KLRG1: variants seen among roughly 807,000 people sequenced by gnomAD.
KLRG1 encodes killer cell lectin like receptor G1, also known as killer cell lectin-like receptor subfamily G member 1.
Under a neutral mutation model 21.8 loss-of-function variants are expected in KLRG1, and 16 were observed. The observed-to-expected ratio is 0.73, with a 90% confidence interval of 0.50 to 1.11. The LOEUF is 1.11. KLRG1 is among the 50% of genes most tolerant of loss of function. KLRG1 has a pLI of 0.00. For synonymous variants in KLRG1, 69 were observed against 75.9 expected (o/e 0.91, Z 0.47); for missense variants, 173 against 218.3 (o/e 0.79, Z 1.31).
At chr12:8,999,661 A>G (rs769590649) in intron 3 of KLRG1, among the ~76,000 whole-genome samples, 2 of 152,200 alleles carry the variant, frequency 1.3e-5, no homozygotes, top group South Asian at 2.1e-4. Flanking sequence ...TGCTTTTACT[A>G]TATTTCTTAC....
intron 1 of KLRG1, among the ~76,000 whole-genome samples, chr12:8,955,845 C>T (rs1230528317): frequency 1.3e-5 from 2 of 152,134 alleles, no homozygotes; most frequent in Middle Eastern, 3.4e-3. Flanking sequence ...AGTCAAAGAC[C>T]GCCGGAAGCC....
chr12:9,100,905 G>A, the KLRG1 span, among the ~76,000 whole-genome samples: 119 of 152,284 alleles, frequency 7.8e-4, no homozygotes, highest in African/African-American at 2.8e-3. Context: ...TCAGGGGGAA[G>A]GGTGGAAGGG....
At chr12:8,973,163 GA>G (rs59760555) in intron 1 of KLRG1, among the ~76,000 whole-genome samples, 7,861 of 96,220 alleles carry the variant, frequency 0.082, 66 homozygotes, top group African/African-American at 0.093. Flanking sequence ...CATCTCAAAA[GA>G]AAAAAAAAAA....
chr12:9,153,303 G>T, the KLRG1 span: 7 of 1,614,134 alleles, frequency 4.3e-6, no homozygotes, highest in Non-Finnish European at 5.9e-6. Flanking sequence ...GAAAGTGGCT[G>T]CTCCATACCT....
the KLRG1 span, among the ~76,000 whole-genome samples, chr12:9,046,852 A>T: frequency 0.38 from 57,761 of 151,954 alleles, 11,229 homozygotes; most frequent in African/African-American, 0.47. Context: ...CTTCATTTTT[A>T]AATTATTTTT....
the KLRG1 span, among the ~76,000 whole-genome samples, chr12:9,086,102 C>T: frequency 6.6e-6 from 1 of 152,106 alleles, no homozygotes; most frequent in African/African-American, 2.4e-5. Context: ...TCAAACTCTG[C>T]CAAAAGCTGG....
At chr12:9,081,919 G>A in the KLRG1 span, among the ~76,000 whole-genome samples, 1 of 152,202 alleles carries the variant, frequency 6.6e-6, no homozygotes, top group African/African-American at 2.4e-5. Flanking sequence ...AGAGATACCA[G>A]CCAACTGCAT....
the KLRG1 span, among the ~76,000 whole-genome samples, chr12:9,081,413 G>A: frequency 2.0e-5 from 3 of 151,970 alleles, no homozygotes; most frequent in East Asian, 1.9e-4. Context: ...GAGGATTTTC[G>A]TTTTGTAGTT....
At position 9,009,490 on chromosome 12, in the gene KLRG1, A is replaced by G. The variant is rs1947582510; in HGVS notation, c.523A>G (p.Ser175Gly). Reference protein sequence around the residue: ...AINKNGLQASSCEVPLHWVCK... With the variant: ...AINKNGLQASGCEVPLHWVCK... Reference sequence around the variant, plus strand: ...CAACAAAAATGGTCTTCAAGCCTCAAGCTGTGAAGTTCCTTTACACTGGGT... The same window carrying G: ...CAACAAAAATGGTCTTCAAGCCTCAGGCTGTGAAGTTCCTTTACACTGGGT... The change falls in exon 5 of 5, where the codon AGC becomes GGC. Residue 175 changes from serine to glycine, a missense_variant. This residue lies in a region of KLRG1 where 26 missense variants were observed against 36.9 expected (regional missense o/e 0.70). Transcript: ENST00000356986. The G allele has an allele frequency of 6.2e-7, 1 of 1,613,882 alleles. No homozygotes were observed. Among genetic ancestry groups the G allele is most frequent in the Non-Finnish European group, 8.5e-7 (1 of 1,179,942 alleles).
intron 1 of KLRG1, chr12:8,990,438 TTCTC>T (rs1409741094): frequency 6.6e-6 from 1 of 152,126 alleles, no homozygotes; most frequent in Non-Finnish European, 1.5e-5. Flanking sequence ...TCCCTAAGCT[TTCTC>T]TCTTTTTACT....
the KLRG1 span, chr12:9,066,999 T>C: frequency 2.0e-5 from 3 of 152,236 alleles, no homozygotes; most frequent in Non-Finnish European, 2.9e-5. Flanking sequence ...AAGAAAATTA[T>C]ATATTTTAAA....
chr12:9,044,483 G>A, the KLRG1 span, among the ~76,000 whole-genome samples: 2 of 151,984 alleles, frequency 1.3e-5, no homozygotes, highest in Non-Finnish European at 2.9e-5. Context: ...TGACCAACAT[G>A]GTGAGAAACC....
chr12:9,110,251 A>G, the KLRG1 span: 1 of 1,327,094 alleles, frequency 7.5e-7, no homozygotes, highest in Middle Eastern at 1.8e-4. Context: ...AACCTCTGAA[A>G]TAAGAACATT....
chr12:9,005,490 A>C lies in KLRG1; in HGVS notation c.358-3485A>C, dbSNP rs763559852. Among the ~76,000 whole-genome samples the C allele has an allele frequency of 1.1e-3, 160 of 152,342 alleles. 1 individual carries two copies. Among genetic ancestry groups the C allele is most frequent in the African/African-American group, 3.8e-3 (159 of 41,590 alleles). On this transcript the variant is annotated intron_variant, in intron 3 of 4. Coordinates refer to ENST00000356986, the MANE Select transcript of KLRG1 (RefSeq NM_005810.4). Reference sequence around the variant, plus strand: ...CTGTGTTAAGTGAAATAAACCAGGAACAGAAAGTTAAACACTGCATGTTCT... The same window carrying C: ...CTGTGTTAAGTGAAATAAACCAGGACCAGAAAGTTAAACACTGCATGTTCT...
the KLRG1 span, chr12:9,070,513 A>AT: frequency 6.2e-7 from 1 of 1,613,586 alleles, no homozygotes; most frequent in East Asian, 2.2e-5. Context: ...CTTCAGGGGA[A>AT]TGAAGCCAGA....
At chr12:9,002,316 A>T (rs922398263) in intron 3 of KLRG1, among the ~76,000 whole-genome samples, 2 of 152,160 alleles carry the variant, frequency 1.3e-5, no homozygotes, top group African/African-American at 2.4e-5. Flanking sequence ...TTTAATTTCA[A>T]TTAAAAATAC....
chr12:8,986,546 G>A (rs948760608), upstream of KLRG1, among the ~76,000 whole-genome samples: 6 of 151,364 alleles, frequency 4.0e-5, no homozygotes, highest in African/African-American at 7.3e-5. Flanking sequence ...GCTTTTCCAG[G>A]TTGGTTTCTG....
the KLRG1 span, among the ~76,000 whole-genome samples, chr12:9,047,235 A>C: frequency 6.6e-6 from 1 of 152,244 alleles, no homozygotes; most frequent in Non-Finnish European, 1.5e-5. Context: ...AGTAGCAATA[A>C]AACTTATAGA....
the KLRG1 span, among the ~76,000 whole-genome samples, chr12:9,051,200 A>G: frequency 2.0e-5 from 3 of 152,198 alleles, no homozygotes; most frequent in Non-Finnish European, 4.4e-5. Flanking sequence ...AGAGGACTCA[A>G]TGGGAAGACC....
Sources: allele counts gnomAD v4.1 joint callset (sites outside exome capture counted in the v4.1 genomes callset), GRCh38; gene constraint gnomAD v4.1.1; regional missense constraint gnomAD v4.1.1; transcripts MANE v1.5; gene names NCBI Gene and HGNC (gene_info 2026-07-23, HGNC 2026-07-21).